Variants in XRRA1 observed in about 807,000 individuals in gnomAD.
XRRA1 encodes X-ray radiation resistance-associated protein 1.
Under a neutral mutation model 80.2 loss-of-function variants are expected in XRRA1, and 69 were observed. The ratio of observed to expected loss-of-function variants is 0.86; its 90% CI spans 0.71 to 1.05. XRRA1 has a LOEUF of 1.05. XRRA1 is among the 50% of genes least tolerant of loss of function. The pLI, the probability that XRRA1 is intolerant of heterozygous loss-of-function variation, is 0.00. For missense variants in XRRA1, 967 were observed against 976.4 expected, an observed-to-expected ratio of 0.99 and a Z score of 0.13; for synonymous variants, 348 against 389.9, an observed-to-expected ratio of 0.89 and a Z score of 1.27.
intron 7 of XRRA1, among the ~76,000 whole-genome samples, chr11:74,924,330 CGGGCAT>C (rs1941689295): frequency 1.3e-5 from 2 of 151,028 alleles, no homozygotes; most frequent in Admixed American, 1.3e-4. Context: ...AAAAATTAGC[CGGGCAT>C]GGTGGCATGC....
intron 1 of XRRA1, among the ~76,000 whole-genome samples, chr11:74,947,510 C>A (rs529400321): frequency 4.2e-4 from 64 of 152,084 alleles, no homozygotes; most frequent in Non-Finnish European, 8.1e-4. Flanking sequence ...TGCACTCCAG[C>A]CTGGGTGACA....
chr11:74,849,201 G>A (rs1012659868), intron 14 of XRRA1, among the ~76,000 whole-genome samples: 3 of 152,028 alleles, frequency 2.0e-5, no homozygotes, highest in Admixed American at 2.0e-4. Context: ...ACTTATATCT[G>A]TACTTTTACT....
chr11:74,844,831 G>C (rs1220123428), intron 16 of XRRA1, among the ~76,000 whole-genome samples: 3 of 152,262 alleles, frequency 2.0e-5, no homozygotes, highest in African/African-American at 7.2e-5. Flanking sequence ...AGACCAACTA[G>C]AATCTCTGAA....
intron 15 of XRRA1, 78 bp from the exon 16 acceptor site, chr11:74,845,349 G>C (rs947679266): frequency 6.8e-7 from 1 of 1,462,878 alleles, no homozygotes. Flanking sequence ...TATCATCTCT[G>C]TGCTGGTCTC....
rs1565207877 is a variant in XRRA1, at chr11:74,844,265, T to C, written c.1946A>G (p.Gln649Arg). The change falls in exon 17 of 19, where the codon CAA (glutamine) becomes CGA (arginine). Residue 649 changes from glutamine (Q) to arginine (R), a missense_variant. Transcript: ENST00000684022. ...IEPKGIQKNA[Q>R]ALQQMLKHPL... ...GTGCTTCAGCATTTGTTGCAGGGCT[T>C]GTGCATTCTTCTGGATTCCTAGGGC... is the stretch of plus-strand genomic sequence containing the variant. 2 of 1,613,174 alleles carry C rather than the reference T, an allele frequency of 1.2e-6. No individual in the cohort carries two copies. Among genetic ancestry groups the C allele is most frequent in the Non-Finnish European group, 1.7e-6 (2 of 1,179,794 alleles).
chr11:74,869,696 T>C (rs1411223177), intron 10 of XRRA1, among the ~76,000 whole-genome samples: 1 of 152,158 alleles, frequency 6.6e-6, no homozygotes, highest in Non-Finnish European at 1.5e-5. Flanking sequence ...AACCTAGTTC[T>C]AATGAGTTTT....
At chr11:74,941,842 T>A (rs560928338) in intron 2 of XRRA1, among the ~76,000 whole-genome samples, 4 of 151,470 alleles carry the variant, frequency 2.6e-5, no homozygotes, top group East Asian at 1.9e-4. Flanking sequence ...AAAAAAGGAA[T>A]GAGAAAGGGA....
chr11:74,873,484 T>A (rs1042051644), intron 10 of XRRA1, among the ~76,000 whole-genome samples: 1 of 152,224 alleles, frequency 6.6e-6, no homozygotes, highest in East Asian at 1.9e-4. Context: ...AATACCTGTT[T>A]GCCTTCGAAG....
At chr11:74,907,084 C>T in intron 9 of XRRA1, 61 bp downstream of exon 9, 1 of 1,605,678 alleles carries the variant, frequency 6.2e-7, no homozygotes, top group Non-Finnish European at 8.5e-7. Context: ...GAACAGCACT[C>T]AGAGTGTGAG....
chr11:74,936,745 G>T, intron 4 of XRRA1, 139 bp downstream of exon 4: 1 of 1,101,634 alleles, frequency 9.1e-7, no homozygotes, highest in Non-Finnish European at 1.3e-6. Context: ...CATTATCCTG[G>T]CTGTACTCAA....
intron 2 of XRRA1, among the ~76,000 whole-genome samples, chr11:74,941,705 G>T (rs545278662): frequency 5.3e-5 from 8 of 152,254 alleles, no homozygotes; most frequent in African/African-American, 1.9e-4. Context: ...GACAAAAATA[G>T]CAGTAGGTGA....
At chr11:74,928,719 G>C (rs1395787270) in intron 6 of XRRA1, among the ~76,000 whole-genome samples, 5 of 152,190 alleles carry the variant, frequency 3.3e-5, no homozygotes, top group Admixed American at 3.3e-4. Context: ...AATAAAGGCT[G>C]CTTTGTGAAT....
At chr11:74,942,454 G>A (rs1296182382) in intron 2 of XRRA1, among the ~76,000 whole-genome samples, 1 of 152,198 alleles carries the variant, frequency 6.6e-6, no homozygotes, top group East Asian at 1.9e-4. Context: ...GTAAAATTGC[G>A]AGATGGGTGA....
intron 9 of XRRA1, chr11:74,906,722 T>C (rs542470121): frequency 4.1e-6 from 2 of 491,028 alleles, no homozygotes; most frequent in African/African-American, 1.9e-5. Context: ...CAGTAAATGG[T>C]AGTTGAAACC....
intron 10 of XRRA1, among the ~76,000 whole-genome samples, chr11:74,865,939 C>T (rs1369053942): frequency 6.7e-6 from 1 of 149,322 alleles, no homozygotes; most frequent in African/African-American, 2.5e-5. Context: ...GACCATCGCT[C>T]AGTGCTGAGA....
At chr11:74,858,627 T>C (rs1174829207) in intron 12 of XRRA1, among the ~76,000 whole-genome samples, 1 of 152,194 alleles carries the variant, frequency 6.6e-6, no homozygotes, top group African/African-American at 2.4e-5. Flanking sequence ...TTATATCTGC[T>C]GTTCCCCTTA....
At chr11:74,923,026 G>A (rs1941294040) in intron 7 of XRRA1, among the ~76,000 whole-genome samples, 1 of 152,184 alleles carries the variant, frequency 6.6e-6, no homozygotes, top group Non-Finnish European at 1.5e-5. Context: ...TAGCAATGCT[G>A]CTGGGATAGA....
intron 1 of XRRA1, among the ~76,000 whole-genome samples, chr11:74,946,337 T>A (rs1022124782): frequency 6.6e-6 from 1 of 152,174 alleles, no homozygotes; most frequent in Non-Finnish European, 1.5e-5. Flanking sequence ...AATCCCCATG[T>A]GTTGAGAGAG....
intron 8 of XRRA1, among the ~76,000 whole-genome samples, chr11:74,914,708 CTTTT>C (rs67132744): frequency 7.3e-6 from 1 of 137,794 alleles, no homozygotes. Context: ...TGCAGATAAC[CTTTT>C]TTTTTTTTTT....
Sources: gnomAD v4.1 joint callset for allele counts (sites outside exome capture counted in the v4.1 genomes callset) on GRCh38, gnomAD v4.1.1 for gene constraint, MANE v1.5 for transcripts, NCBI Gene and HGNC (gene_info 2026-07-23, HGNC 2026-07-21) for gene names.